The following KCNIP4 variants were observed in gnomAD, a reference collection of about 807,000 sequenced individuals.
KCNIP4 encodes Kv channel-interacting protein 4.
A neutral mutation model predicts 34.0 loss-of-function variants in KCNIP4; 12 were observed. The observed-to-expected ratio is 0.35, with a 90% CI of 0.23 to 0.57. KCNIP4 has a LOEUF of 0.57. Among genes scored for constraint, KCNIP4 ranks in the 20% least tolerant of loss-of-function variants. The pLI is 0.83. For missense variants in KCNIP4, 238 were observed against 311.7 expected (o/e 0.76, Z 1.78); for synonymous variants, 124 against 102.2 (o/e 1.21, Z -1.29).
chr4:20,983,965 T>C, intron 1 of KCNIP4: 1 of 1,533,138 alleles, frequency 6.5e-7, no homozygotes, highest in Admixed American at 2.0e-5. Flanking sequence ...CAGACCCCTT[T>C]GGAGTGGAGG....
At chr4:21,357,168 A>T (rs1237099707) in intron 1 of KCNIP4, among the ~76,000 whole-genome samples, 1 of 152,234 alleles carries the variant, frequency 6.6e-6, no homozygotes, top group South Asian at 2.1e-4. Flanking sequence ...AATTAATTCA[A>T]GATGGATTGA....
In KCNIP4 at chr4:20,983,358, T is replaced by C. The variant is rs1736269198; in HGVS notation, c.62-100649A>G. The stretch of plus-strand genomic sequence containing the variant: ...ATATCAAAAGCTTACCCATTTTATA[T>C]CATAATAAACCACCCGGGTTCACCC... On this transcript the variant is annotated intron_variant, in intron 1 of 8. Coordinates refer to ENST00000382152, the MANE Select transcript of KCNIP4 (RefSeq NM_025221.6). Among the ~76,000 whole-genome samples, 5 of 152,174 alleles carry C rather than the reference T, an allele frequency of 3.3e-5. No homozygotes were observed. In the South Asian group the frequency reaches 1.0e-3, roughly 32 times the overall value.
At chr4:21,555,814 C>A (rs1355605316) in intron 1 of KCNIP4, among the ~76,000 whole-genome samples, 1 of 152,002 alleles carries the variant, frequency 6.6e-6, no homozygotes, top group African/African-American at 2.4e-5. Flanking sequence ...ATTAGGATTC[C>A]TGTGACTCAT....
intron 1 of KCNIP4, among the ~76,000 whole-genome samples, chr4:21,721,472 C>T (rs1374308732): frequency 2.0e-5 from 3 of 152,176 alleles, no homozygotes; most frequent in African/African-American, 7.2e-5. Context: ...TGAAGCACCA[C>T]CTTAAATGCT....
chr4:21,623,187 G>A (rs1745100954), intron 1 of KCNIP4, among the ~76,000 whole-genome samples: 1 of 152,080 alleles, frequency 6.6e-6, no homozygotes, highest in South Asian at 2.1e-4. Context: ...TTAATAGCAG[G>A]AAAACAGATT....
chr4:21,291,759 C>T (rs889454921), intron 1 of KCNIP4, among the ~76,000 whole-genome samples: 2 of 149,494 alleles, frequency 1.3e-5, no homozygotes, highest in Non-Finnish European at 3.0e-5. Flanking sequence ...GAGGCTGAGG[C>T]AGGAGAATGG....
intron 2 of KCNIP4, among the ~76,000 whole-genome samples, chr4:20,853,762 T>A (rs185854841): frequency 6.6e-6 from 1 of 152,162 alleles, no homozygotes; most frequent in African/African-American, 2.4e-5. Context: ...GACAAAGGAT[T>A]AATATCCAGA....
chr4:21,818,491 T>C (rs1173472263), intron 1 of KCNIP4, among the ~76,000 whole-genome samples: 1 of 152,228 alleles, frequency 6.6e-6, no homozygotes. Flanking sequence ...AGATCTGAGC[T>C]GTTCAATTTT....
chr4:21,403,909 G>A (rs1723753014), intron 1 of KCNIP4, among the ~76,000 whole-genome samples: 1 of 152,182 alleles, frequency 6.6e-6, no homozygotes, highest in African/African-American at 2.4e-5. Flanking sequence ...TCCCATCCAT[G>A]AGGGTGGAGA....
chr4:21,271,828 G>C (rs1188879348), intron 1 of KCNIP4, among the ~76,000 whole-genome samples: 1 of 152,158 alleles, frequency 6.6e-6, no homozygotes, highest in Non-Finnish European at 1.5e-5. Flanking sequence ...TGCTGGTTTG[G>C]CAGTGATTTA....
At chr4:20,858,103 C>T (rs188380356) in intron 2 of KCNIP4, among the ~76,000 whole-genome samples, 2,141 of 148,266 alleles carry the variant, frequency 0.014, 20 homozygotes, top group Non-Finnish European at 0.021. Context: ...CCCAGCTACT[C>T]GGGAGGCTGA....
At chr4:20,889,101 T>G (rs910556464) in intron 1 of KCNIP4, among the ~76,000 whole-genome samples, 20 of 152,146 alleles carry the variant, frequency 1.3e-4, no homozygotes, top group African/African-American at 4.8e-4. Flanking sequence ...AAAGCAAGGA[T>G]AGAGAAACAT....
intron 1 of KCNIP4, among the ~76,000 whole-genome samples, chr4:21,837,532 C>CAAA (rs60449238): frequency 0.01 from 819 of 78,436 alleles, 43 homozygotes; most frequent in African/African-American, 0.033. Context: ...AAAACGCTGT[C>CAAA]AAAAAAAAAA....
At chr4:20,902,882 G>C (rs908163123) in intron 1 of KCNIP4, among the ~76,000 whole-genome samples, 7 of 152,200 alleles carry the variant, frequency 4.6e-5, no homozygotes, top group Admixed American at 6.5e-5. Context: ...TCTCTGGTAT[G>C]TGTAGTGGCA....
intron 1 of KCNIP4, among the ~76,000 whole-genome samples, chr4:21,099,334 A>G (rs1197447852): frequency 1.3e-5 from 2 of 152,190 alleles, no homozygotes; most frequent in Admixed American, 1.3e-4. Context: ...GAGCTGGAAG[A>G]TGTTATCCTC....
intron 1 of KCNIP4, among the ~76,000 whole-genome samples, chr4:21,767,119 G>T (rs1718470123): frequency 6.6e-6 from 1 of 152,096 alleles, no homozygotes; most frequent in Non-Finnish European, 1.5e-5. Flanking sequence ...CTAGGGAGAA[G>T]ACTTAATGCA....
intron 1 of KCNIP4, among the ~76,000 whole-genome samples, chr4:21,832,168 G>A (rs1186735907): frequency 6.6e-6 from 1 of 152,098 alleles, no homozygotes; most frequent in Non-Finnish European, 1.5e-5. Flanking sequence ...ATGCAAAAAT[G>A]AAGCATTTGA....
intron 1 of KCNIP4, among the ~76,000 whole-genome samples, chr4:21,655,176 A>G (rs1202636050): frequency 6.6e-6 from 1 of 152,144 alleles, no homozygotes; most frequent in African/African-American, 2.4e-5. Context: ...TAGATCCCAT[A>G]TGAGCTCTCT....
intron 1 of KCNIP4, among the ~76,000 whole-genome samples, chr4:21,127,058 G>C (rs540404139): frequency 1.3e-5 from 2 of 152,204 alleles, no homozygotes; most frequent in Non-Finnish European, 2.9e-5. Flanking sequence ...CTGGACCTTT[G>C]CATTTGCTAT....
Sources: gnomAD v4.1 joint callset for allele counts (sites outside exome capture counted in the v4.1 genomes callset) on GRCh38, gnomAD v4.1.1 for gene constraint, MANE v1.5 for transcripts, NCBI Gene and HGNC (gene_info 2026-07-23, HGNC 2026-07-21) for gene names.